Variants in IQGAP2 observed in about 807,000 individuals in gnomAD.
The protein encoded by IQGAP2 is IQ motif containing GTPase activating protein 2, also known as ras GTPase-activating-like protein IQGAP2.
A neutral mutation model predicts 201.3 loss-of-function variants in IQGAP2; 173 were observed. The ratio of observed to expected loss-of-function variants is 0.86; its 90% CI spans 0.76 to 0.98. IQGAP2 has a LOEUF of 0.98. Among genes scored for constraint, IQGAP2 ranks in the 50% least tolerant of loss-of-function variants. The probability of loss-of-function intolerance (pLI) is 0.00; values close to 1 mark genes in which losing one functional copy is unlikely to be tolerated. For synonymous variants in IQGAP2, 675 were observed against 673.9 expected (o/e 1.00, Z -0.03); for missense variants, 1,687 against 1,864.8 (o/e 0.90, Z 1.76).
At chr5:76,434,574 T>G (rs972344871) in intron 1 of IQGAP2, among the ~76,000 whole-genome samples, 2 of 152,190 alleles carry the variant, frequency 1.3e-5, no homozygotes, top group Non-Finnish European at 2.9e-5. Context: ...ATAGTCCATA[T>G]TTTCTTTATC....
At chr5:76,594,810 CA>C (rs1326376683) in intron 9 of IQGAP2, among the ~76,000 whole-genome samples, 2 of 151,896 alleles carry the variant, frequency 1.3e-5, no homozygotes, top group African/African-American at 4.8e-5. Context: ...ACTAAAAATA[CA>C]AAAAGTCAGC....
intron 2 of IQGAP2, among the ~76,000 whole-genome samples, chr5:76,550,809 T>C (rs1464728779): frequency 5.3e-5 from 8 of 151,592 alleles, no homozygotes; most frequent in South Asian, 2.1e-4. Context: ...CATTTCCCCC[T>C]TTTCTATTTG....
intron 2 of IQGAP2, among the ~76,000 whole-genome samples, chr5:76,549,977 A>G (rs185741140): frequency 1.5e-3 from 227 of 152,308 alleles, no homozygotes; most frequent in African/African-American, 5.1e-3. Flanking sequence ...AGCAAAATAC[A>G]TTCACCTGCA....
At chr5:76,638,753 A>G (rs1477749045) in intron 16 of IQGAP2, among the ~76,000 whole-genome samples, 1 of 152,198 alleles carries the variant, frequency 6.6e-6, no homozygotes, top group Non-Finnish European at 1.5e-5. Context: ...TTAGATCTGA[A>G]TGTTTTCTTG....
intron 15 of IQGAP2, among the ~76,000 whole-genome samples, chr5:76,635,008 A>G (rs1325105601): frequency 6.6e-6 from 1 of 152,202 alleles, no homozygotes; most frequent in Non-Finnish European, 1.5e-5. Context: ...AGATGTGAAA[A>G]ATGTAGGAAT....
chr5:76,618,436 A>T (rs1173642371), intron 13 of IQGAP2: 1 of 1,614,198 alleles, frequency 6.2e-7, no homozygotes, highest in South Asian at 1.1e-5. Flanking sequence ...GTACTTAAGG[A>T]GCTGGTCAGG....
intron 2 of IQGAP2, among the ~76,000 whole-genome samples, chr5:76,517,641 A>G (rs919355228): frequency 1.3e-5 from 2 of 151,572 alleles, no homozygotes; most frequent in Admixed American, 1.3e-4. Context: ...TATAAGAAAG[A>G]CACTGTAAAG....
intron 2 of IQGAP2, among the ~76,000 whole-genome samples, chr5:76,520,013 AAG>A (rs1013883720): frequency 5.3e-5 from 8 of 152,002 alleles, no homozygotes; most frequent in Non-Finnish European, 8.8e-5. Context: ...GAATCTTTCA[AAG>A]AGCAAAAGTC....
chr5:76,590,334 A>C (rs1746558019), intron 7 of IQGAP2, 74 bp from the exon 8 acceptor site: 3 of 1,177,554 alleles, frequency 2.5e-6, no homozygotes, highest in Middle Eastern at 2.1e-4. Context: ...TTGAGTTTAC[A>C]CAGGGTCAAT....
rs1270759617 is a variant in IQGAP2 at position 76,429,601 on chromosome 5, TATTTATATATATACATATATAA to T, written c.46+26031_46+26052del. On this transcript the variant is annotated intron_variant, in intron 1 of 35. Transcript: ENST00000274364. ...AAAAATTTATATATATATATATGTATATTTATATATATACATATATAAATTTATATATATACATATATGTATA... is the reference window on the plus strand; with the variant it reads ...AAAAATTTATATATATATATATGTATATTTATATATATACATATATGTATA... Among the ~76,000 whole-genome samples the T allele has an allele frequency of 6.2e-5, 9 of 144,254 alleles. No homozygotes were observed. In the East Asian group the frequency reaches 1.6e-3, roughly 25 times the overall value. The allele number at this position is 144,254 out of a possible 152,430, so 94.6% of individuals were successfully genotyped here.
At chr5:76,657,180 C>T (rs1005773950) in intron 20 of IQGAP2, among the ~76,000 whole-genome samples, 3 of 152,200 alleles carry the variant, frequency 2.0e-5, no homozygotes, top group South Asian at 2.1e-4. Flanking sequence ...TCCGATGGGA[C>T]TGTTAATACA....
At chr5:76,412,682 C>T (rs1751187394) in intron 1 of IQGAP2, among the ~76,000 whole-genome samples, 1 of 152,190 alleles carries the variant, frequency 6.6e-6, no homozygotes, top group African/African-American at 2.4e-5. Flanking sequence ...TAAATATTTG[C>T]TGTTATGACA....
In IQGAP2 at chr5:76,701,225, C is replaced by G. The variant is rs146523604; in HGVS notation, c.4505+12C>G. Reference sequence around the variant, plus strand: ...CTTCAAACAAACCAGTAAGTGTGACCTGGAATCTGCATAGAACACGCATGC... The same window carrying G: ...CTTCAAACAAACCAGTAAGTGTGACGTGGAATCTGCATAGAACACGCATGC... On this transcript the variant is annotated intron_variant, in intron 34 of 35. Transcript: ENST00000274364. 6 of 1,613,468 alleles carry G rather than the reference C, an allele frequency of 3.7e-6. No homozygotes were observed. In the African/African-American group the frequency reaches 5.3e-5, roughly 14 times the overall value.
intron 2 of IQGAP2, among the ~76,000 whole-genome samples, chr5:76,530,539 T>G (rs1561441302): frequency 1.3e-5 from 2 of 151,788 alleles, no homozygotes; most frequent in East Asian, 3.8e-4. Flanking sequence ...GTTTTGTTGC[T>G]GGATTTCAAA....
chr5:76,646,195 G>A (rs956686878), intron 17 of IQGAP2, among the ~76,000 whole-genome samples: 8 of 152,144 alleles, frequency 5.3e-5, no homozygotes, highest in Non-Finnish European at 8.8e-5. Context: ...AGTGACCCAC[G>A]ATTAGGGTCC....
rs747233500 is a variant in IQGAP2, at chr5:76,469,399, AT to A, written c.146+7744del. Among the ~76,000 whole-genome samples the A allele has an allele frequency of 2.3e-3, 330 of 146,634 alleles. 2 individuals are homozygous for A. The highest frequency in any genetic ancestry group is 0.017 in the South Asian group (79 of 4,658). On this transcript the variant is annotated intron_variant, in intron 2 of 35. Coordinates refer to ENST00000274364, the MANE Select transcript of IQGAP2 (RefSeq NM_006633.5). ...ATAGATGTTAAGACTCAAAAAATGA[AT>A]TTTTTTTTTTTTTGAGACGTAGTGT...
intron 2 of IQGAP2, among the ~76,000 whole-genome samples, chr5:76,491,870 G>T (rs1756570167): frequency 6.6e-6 from 1 of 152,098 alleles, no homozygotes. Context: ...CCTTTGAGTT[G>T]TACCTTCATC....
intron 2 of IQGAP2, among the ~76,000 whole-genome samples, chr5:76,526,992 AG>A (rs1402131588): frequency 2.0e-5 from 3 of 152,148 alleles, no homozygotes; most frequent in Non-Finnish European, 2.9e-5. Flanking sequence ...CAGCTTTTAA[AG>A]GCAGGATACT....
intron 21 of IQGAP2, among the ~76,000 whole-genome samples, chr5:76,664,432 C>A (rs945467432): frequency 9.2e-5 from 14 of 152,220 alleles, no homozygotes; most frequent in Non-Finnish European, 1.9e-4. Context: ...CGCCTGTAAT[C>A]CCAGCACTTT....
Sources: gnomAD v4.1 joint callset for allele counts (sites outside exome capture counted in the v4.1 genomes callset) on GRCh38, gnomAD v4.1.1 for gene constraint, MANE v1.5 for transcripts, NCBI Gene and HGNC (gene_info 2026-07-23, HGNC 2026-07-21) for gene names.